The following EPB41L4A variants were observed in gnomAD, a reference collection of about 807,000 sequenced individuals.
EPB41L4A encodes the protein band 4.1-like protein 4A.
In EPB41L4A, 100 loss-of-function variants were observed where a neutral mutation model predicts 108.6. That is an observed-to-expected ratio of 0.92 (90% CI 0.78 to 1.09). EPB41L4A has a LOEUF of 1.09. EPB41L4A is among the 50% of genes least tolerant of loss of function. The pLI, the probability that EPB41L4A is intolerant of heterozygous loss-of-function variation, is 0.00. For synonymous variants in EPB41L4A, 319 were observed against 289.0 expected, an observed-to-expected ratio of 1.10 and a Z score of -1.05; for missense variants, 1,030 against 842.7, an observed-to-expected ratio of 1.22 and a Z score of -2.75.
intron 4 of EPB41L4A, 140 bp downstream of exon 4, chr5:112,275,186 A>G: frequency 9.1e-7 from 1 of 1,101,076 alleles, no homozygotes; most frequent in Non-Finnish European, 1.3e-6. Context: ...GCTAGTTTAA[A>G]TTTTACCCTC....
At chr5:112,357,845 A>G (rs1758461345) in intron 1 of EPB41L4A, among the ~76,000 whole-genome samples, 1 of 152,264 alleles carries the variant, frequency 6.6e-6, no homozygotes, top group African/African-American at 2.4e-5. Flanking sequence ...AATGAGCAGT[A>G]TGTAAAAATT....
intron 1 of EPB41L4A, among the ~76,000 whole-genome samples, chr5:112,335,271 G>A (rs1284685419): frequency 6.6e-6 from 1 of 152,152 alleles, no homozygotes. Flanking sequence ...ACTCACAGAG[G>A]GGATCAGTGT....
chr5:112,250,436 A>G lies in EPB41L4A; in HGVS notation c.795+8793T>C, dbSNP rs535789318. Among the ~76,000 whole-genome samples the G allele has an allele frequency of 7.2e-5, 11 of 152,294 alleles. No homozygotes were observed. The South Asian group carries it at 2.3e-3, about 32-fold the overall frequency. ...ATCTTCTCCTCATCTGTTTTGTAGTATTCCTAAAAAGTCAGTATTTCTCTC... is the reference window on the plus strand; with the variant it reads ...ATCTTCTCCTCATCTGTTTTGTAGTGTTCCTAAAAAGTCAGTATTTCTCTC... On this transcript the variant is annotated intron_variant, in intron 9 of 22. Coordinates refer to ENST00000261486, the MANE Select transcript of EPB41L4A (RefSeq NM_022140.5).
rs375300919 is a variant in EPB41L4A at position 112,386,832 on chromosome 5, T to A, written c.99+32109A>T. Among the ~76,000 whole-genome samples the A allele has an allele frequency of 3.5e-4, 54 of 152,278 alleles. 2 individuals are homozygous for A. The South Asian group carries it at 0.011, about 30-fold the overall frequency. ...AGGCACAACGGGAATAGAAAGTGAT[T>A]CTCCAGCAATAAAGGCAAAAGCTAT... On this transcript the variant is annotated intron_variant, in intron 1 of 22. Coordinates refer to ENST00000261486, the MANE Select transcript of EPB41L4A (RefSeq NM_022140.5).
intron 9 of EPB41L4A, chr5:112,250,471 C>A (rs890663058): frequency 6.6e-6 from 1 of 152,126 alleles, no homozygotes; most frequent in African/African-American, 2.4e-5. Context: ...CATATACTTG[C>A]AGATTGATTT....
intron 2 of EPB41L4A, among the ~76,000 whole-genome samples, chr5:112,292,730 A>G (rs1753728150): frequency 1.3e-5 from 2 of 152,160 alleles, no homozygotes; most frequent in Non-Finnish European, 2.9e-5. Context: ...CAAGGAGAAA[A>G]TTCTCTTAAG....
intron 12 of EPB41L4A, among the ~76,000 whole-genome samples, chr5:112,218,829 A>G (rs1747831198): frequency 6.6e-6 from 1 of 152,198 alleles, no homozygotes; most frequent in Non-Finnish European, 1.5e-5. Context: ...AAGAATTTTG[A>G]AAAACAATGT....
chr5:112,145,067 A>T (rs1238169453), intron 13 of EPB41L4A, among the ~76,000 whole-genome samples: 1 of 152,228 alleles, frequency 6.6e-6, no homozygotes, highest in Non-Finnish European at 1.5e-5. Context: ...AGGTGGGCGT[A>T]TCACTTGAGG....
At chr5:112,416,893 G>A (rs1312584084) in intron 1 of EPB41L4A, among the ~76,000 whole-genome samples, 2 of 152,066 alleles carry the variant, frequency 1.3e-5, no homozygotes, top group Admixed American at 6.5e-5. Flanking sequence ...ACACGCCAAG[G>A]GTGGGTAGGT....
intron 1 of EPB41L4A, among the ~76,000 whole-genome samples, chr5:112,402,271 G>T (rs4958046): frequency 0.041 from 6,239 of 151,926 alleles, 187 homozygotes; most frequent in Non-Finnish European, 0.06. Context: ...CACCACGATT[G>T]TAAGTTTCCT....
chr5:112,366,787 A>C (rs1461296401), intron 1 of EPB41L4A, among the ~76,000 whole-genome samples: 1 of 152,264 alleles, frequency 6.6e-6, no homozygotes, highest in Middle Eastern at 3.4e-3. Flanking sequence ...CTGCAGGAGG[A>C]AGGGCAAGCC....
At chr5:112,201,826 T>G (rs190595624) in intron 15 of EPB41L4A, among the ~76,000 whole-genome samples, 99 of 152,274 alleles carry the variant, frequency 6.5e-4, no homozygotes, top group African/African-American at 2.3e-3. Context: ...GCTATCACTA[T>G]CTCCACCTTT....
rs185620657 is a variant in EPB41L4A at position 112,177,687 on chromosome 5, A to C, written c.1622+6329T>G. Among the ~76,000 whole-genome samples the C allele has an allele frequency of 2.0e-5, 3 of 152,104 alleles. No individual in the cohort carries two copies. In the East Asian group the frequency reaches 5.8e-4, roughly 29 times the overall value. On this transcript the variant is annotated intron_variant, in intron 18 of 22. Transcript: ENST00000261486. ...AAAATATATGACAATAGCACAAAGCACAAGTGGAGCTATATTTTTCCAATG... is the reference window on the plus strand; with the variant it reads ...AAAATATATGACAATAGCACAAAGCCCAAGTGGAGCTATATTTTTCCAATG...
intron 11 of EPB41L4A, among the ~76,000 whole-genome samples, chr5:112,236,307 G>GC (rs1447705821): frequency 6.6e-6 from 1 of 152,188 alleles, no homozygotes; most frequent in African/African-American, 2.4e-5. Context: ...CTGACCTCCT[G>GC]CTGGTCAGTA....
At chr5:112,267,277 C>T (rs1211631235) in intron 4 of EPB41L4A, among the ~76,000 whole-genome samples, 1 of 151,914 alleles carries the variant, frequency 6.6e-6, no homozygotes, top group South Asian at 2.1e-4. Context: ...TAAGGTGACT[C>T]GATGTCACTG....
chr5:112,300,718 G>T (rs923828922), intron 2 of EPB41L4A, among the ~76,000 whole-genome samples: 2 of 152,130 alleles, frequency 1.3e-5, no homozygotes, highest in African/African-American at 2.4e-5. Context: ...AGCTGTACTA[G>T]ATTATTCCCC....
chr5:112,377,032 C>A, intron 1 of EPB41L4A, among the ~76,000 whole-genome samples: 2 of 151,648 alleles, frequency 1.3e-5, no homozygotes, highest in East Asian at 3.9e-4. Context: ...AGGGAGACCC[C>A]GTCTCTATAA....
chr5:112,240,808 A>G lies in EPB41L4A; in HGVS notation c.798T>C (p.Cys266=), dbSNP rs1749731494. 6.4e-7 allele frequency: 1 copy of G among 1,573,314 alleles called. No homozygotes were observed. The highest frequency in any genetic ancestry group is 2.0e-5 in the Admixed American group (1 of 51,042). ...CTTCAAAAAAGAATGAGGTTTCGTT[A>G]CACTAAGAGAGAAAGAGAGACAGAA... is the stretch of plus-strand genomic sequence containing the variant. The part of the protein sequence containing the change: ...QFELRVLGKD[C]NETSFFFEAR... Residue 266 remains cysteine (C), a splice_region_variant and synonymous_variant, in exon 10 of 23, where the codon TGT becomes TGC. Coordinates refer to ENST00000261486, the MANE Select transcript of EPB41L4A (RefSeq NM_022140.5).
At chr5:112,283,926 T>C (rs1753117553) in intron 2 of EPB41L4A, among the ~76,000 whole-genome samples, 1 of 152,194 alleles carries the variant, frequency 6.6e-6, no homozygotes, top group South Asian at 2.1e-4. Flanking sequence ...AATCGTTAAA[T>C]AGCATGTTCA....
Sources: gnomAD v4.1 joint callset for allele counts (sites outside exome capture counted in the v4.1 genomes callset) on GRCh38, gnomAD v4.1.1 for gene constraint, MANE v1.5 for transcripts, NCBI Gene and HGNC (gene_info 2026-07-23, HGNC 2026-07-21) for gene names.